SUPT3H: variants seen among roughly 807,000 people sequenced by gnomAD.
SUPT3H encodes transcription initiation protein SPT3 homolog.
Under a neutral mutation model 44.3 loss-of-function variants are expected in SUPT3H, and 44 were observed. That is an observed-to-expected ratio of 0.99 (90% CI 0.78 to 1.28). The LOEUF is 1.28. Ranked by LOEUF, SUPT3H falls within the 50% of genes most tolerant of loss-of-function variation. The pLI is 0.00. For missense variants in SUPT3H, 380 were observed against 387.1 expected, an observed-to-expected ratio of 0.98 and a Z score of 0.15; for synonymous variants, 124 against 125.6, an observed-to-expected ratio of 0.99 and a Z score of 0.09.
intron 2 of SUPT3H, among the ~76,000 whole-genome samples, chr6:45,194,144 C>G (rs1216561022): frequency 6.6e-6 from 1 of 152,108 alleles, no homozygotes; most frequent in Non-Finnish European, 1.5e-5. Context: ...CAACAGGATT[C>G]TGTCAAACTT....
chr6:45,175,739 C>T (rs1030376058), intron 2 of SUPT3H, among the ~76,000 whole-genome samples: 3 of 151,950 alleles, frequency 2.0e-5, no homozygotes, highest in South Asian at 2.1e-4. Context: ...TTTTAGGCTA[C>T]GTATTATGGA....
At chr6:45,323,978 T>C (rs1317227505) in intron 2 of SUPT3H, among the ~76,000 whole-genome samples, 1 of 152,106 alleles carries the variant, frequency 6.6e-6, no homozygotes, top group African/African-American at 2.4e-5. Context: ...GTCAGTAGCA[T>C]GTTTGATATA....
chr6:44,985,392 T>A (rs1469628876), intron 6 of SUPT3H, among the ~76,000 whole-genome samples: 1 of 151,822 alleles, frequency 6.6e-6, no homozygotes, highest in African/African-American at 2.4e-5. Flanking sequence ...AGACTCTTTA[T>A]CCAAAAAGTT....
chr6:45,300,145 C>T (rs1781924380), intron 2 of SUPT3H, among the ~76,000 whole-genome samples: 1 of 152,192 alleles, frequency 6.6e-6, no homozygotes, highest in Admixed American at 6.5e-5. Context: ...ATACTGTATA[C>T]TTCTATTAGA....
intron 3 of SUPT3H, among the ~76,000 whole-genome samples, chr6:45,039,243 C>T (rs937585051): frequency 2.0e-5 from 3 of 152,082 alleles, no homozygotes; most frequent in African/African-American, 4.8e-5. Context: ...TCACAACACT[C>T]CTAAAAGAAT....
intron 10 of SUPT3H, among the ~76,000 whole-genome samples, chr6:44,883,457 TA>T (rs1203822507): frequency 2.0e-5 from 3 of 152,186 alleles, no homozygotes; most frequent in Admixed American, 6.5e-5. Flanking sequence ...TGCCCCAAAG[TA>T]ATTTACAGAT....
intron 10 of SUPT3H, among the ~76,000 whole-genome samples, chr6:44,922,041 A>G (rs1582512108): frequency 6.6e-6 from 1 of 152,352 alleles, no homozygotes; most frequent in East Asian, 1.9e-4. Context: ...CTGCGAGTGC[A>G]CTCTAATCAG....
At chr6:44,915,061 T>A (rs1767607468) in intron 10 of SUPT3H, among the ~76,000 whole-genome samples, 1 of 152,146 alleles carries the variant, frequency 6.6e-6, no homozygotes, top group Middle Eastern at 3.2e-3. Context: ...TCCAATTCTT[T>A]CTCCTTACCT....
intron 6 of SUPT3H, among the ~76,000 whole-genome samples, chr6:44,980,447 C>CA (rs1778945180): frequency 6.6e-6 from 1 of 152,152 alleles, no homozygotes; most frequent in Admixed American, 6.5e-5. Context: ...GCTTATTGTA[C>CA]TAAGGATTCC....
chr6:45,133,501 G>A (rs1389316107), intron 2 of SUPT3H, among the ~76,000 whole-genome samples: 1 of 152,088 alleles, frequency 6.6e-6, no homozygotes, highest in African/African-American at 2.4e-5. Flanking sequence ...CCTGCTTGAT[G>A]GGAGGACAAC....
intron 2 of SUPT3H, among the ~76,000 whole-genome samples, chr6:45,252,948 T>C (rs1426126218): frequency 1.3e-5 from 2 of 152,032 alleles, no homozygotes; most frequent in African/African-American, 2.4e-5. Flanking sequence ...AAATACAATA[T>C]GTGAGCCTAA....
At chr6:45,063,271 T>TA (rs2153544296) in intron 3 of SUPT3H, among the ~76,000 whole-genome samples, 1 of 146,372 alleles carries the variant, frequency 6.8e-6, no homozygotes, top group South Asian at 2.2e-4. Context: ...GAAGGAAAAC[T>TA]AACAAACAGA....
intron 2 of SUPT3H, among the ~76,000 whole-genome samples, chr6:45,361,986 G>A (rs540910697): frequency 6.6e-6 from 1 of 152,292 alleles, no homozygotes; most frequent in African/African-American, 2.4e-5. Flanking sequence ...GGGAGGCAGA[G>A]TTTACAGTGA....
At chr6:44,907,220 A>T (rs569671206) in intron 10 of SUPT3H, among the ~76,000 whole-genome samples, 12 of 152,338 alleles carry the variant, frequency 7.9e-5, no homozygotes, top group Non-Finnish European at 1.5e-4. Flanking sequence ...CACTATATTT[A>T]ATCTGAGTAA....
Position 45,286,638 on chromosome 6 carries a change from T to C in SUPT3H, c.101+78563A>G, listed in dbSNP as rs551231865. Among the ~76,000 whole-genome samples, 35 of 152,292 alleles carry C rather than the reference T, an allele frequency of 2.3e-4. 1 individual carries two copies. The highest frequency in any genetic ancestry group is 7.2e-4 in the African/African-American group (30 of 41,564). On this transcript the variant is annotated intron_variant, in intron 2 of 10. Coordinates refer to ENST00000371459, the MANE Select transcript of SUPT3H (RefSeq NM_003599.4). ...GAGAAATAGGAACACTTTTACACTG[T>C]TGGTGGGACTGTAAACTAGTTCAAC...
At chr6:44,947,515 C>A (rs1393867448) in intron 9 of SUPT3H, among the ~76,000 whole-genome samples, 1 of 152,160 alleles carries the variant, frequency 6.6e-6, no homozygotes, top group Non-Finnish European at 1.5e-5. Flanking sequence ...TGTAAGCAGT[C>A]AGCCTAATTC....
intron 2 of SUPT3H, among the ~76,000 whole-genome samples, chr6:45,364,672 A>G (rs1366520040): frequency 2.0e-5 from 3 of 152,176 alleles, no homozygotes; most frequent in Admixed American, 6.5e-5. Flanking sequence ...TGACTCTGCA[A>G]TTTCCCAAAG....
At chr6:44,895,084 AT>A (rs932301263) in intron 10 of SUPT3H, among the ~76,000 whole-genome samples, 11 of 151,924 alleles carry the variant, frequency 7.2e-5, no homozygotes, top group African/African-American at 2.2e-4. Flanking sequence ...TTTAACATTT[AT>A]TTTTTTCCTC....
intron 10 of SUPT3H, among the ~76,000 whole-genome samples, chr6:44,861,868 C>G (rs1011089549): frequency 2.0e-5 from 3 of 152,156 alleles, no homozygotes; most frequent in Non-Finnish European, 4.4e-5. Context: ...CTGGGCAGTT[C>G]TGCTTTGATC....
Sources: gnomAD v4.1 joint callset for allele counts (sites outside exome capture counted in the v4.1 genomes callset) on GRCh38, gnomAD v4.1.1 for gene constraint, MANE v1.5 for transcripts, NCBI Gene and HGNC (gene_info 2026-07-23, HGNC 2026-07-21) for gene names.